Variants in SUCLG2 observed in about 807,000 individuals in gnomAD.
SUCLG2 encodes succinate-CoA ligase GDP-forming subunit beta.
SUCLG2 carries 42 observed loss-of-function variants against 47.9 expected under a neutral mutation model. That is an observed-to-expected ratio of 0.88 (90% CI 0.69 to 1.14). SUCLG2 has a LOEUF of 1.14. Among genes scored for constraint, SUCLG2 ranks in the 50% most tolerant of loss-of-function variants. The pLI is 0.00. For synonymous variants in SUCLG2, 195 were observed against 197.3 expected (o/e 0.99, Z 0.10); for missense variants, 571 against 525.9 (o/e 1.09, Z -0.84).
At chr3:67,360,530 T>C in exon 11 of SUCLG2, 2 of 1,265,052 alleles carry the variant, frequency 1.6e-6, no homozygotes, top group Non-Finnish European at 2.1e-6. Flanking sequence ...TCCATTTCCA[T>C]TAGCATGCAG....
At chr3:67,616,776 GC>G (rs1329685928) in intron 1 of SUCLG2, among the ~76,000 whole-genome samples, 1 of 152,154 alleles carries the variant, frequency 6.6e-6, no homozygotes, top group Non-Finnish European at 1.5e-5. Flanking sequence ...GTGAGCAAAA[GC>G]CGCATTTTCT....
At chr3:67,462,287 A>AT (rs1704356259) in intron 9 of SUCLG2, among the ~76,000 whole-genome samples, 1 of 152,138 alleles carries the variant, frequency 6.6e-6, no homozygotes, top group South Asian at 2.1e-4. Flanking sequence ...ATTATGGGTC[A>AT]TTAGACCCTC....
chr3:67,464,326 T>C (rs748657302), intron 9 of SUCLG2, among the ~76,000 whole-genome samples: 1 of 152,172 alleles, frequency 6.6e-6, no homozygotes, highest in Non-Finnish European at 1.5e-5. Context: ...TAAGAAGCCC[T>C]CATGGGTGTG....
intron 9 of SUCLG2, among the ~76,000 whole-genome samples, chr3:67,453,806 A>G (rs1024623869): frequency 6.6e-6 from 1 of 152,208 alleles, no homozygotes. Flanking sequence ...TACTGTGTTC[A>G]CTGGTCACAT....
chr3:67,588,883 A>T (rs1708088760), intron 2 of SUCLG2, among the ~76,000 whole-genome samples: 1 of 152,184 alleles, frequency 6.6e-6, no homozygotes. Context: ...GTTAACTGTT[A>T]AGTACTGAAT....
At chr3:67,605,273 C>G (rs940553132) in intron 2 of SUCLG2, among the ~76,000 whole-genome samples, 1 of 152,188 alleles carries the variant, frequency 6.6e-6, no homozygotes, top group Admixed American at 6.5e-5. Flanking sequence ...TTGGTTCTGT[C>G]AATCTTGTGG....
intron 10 of SUCLG2, among the ~76,000 whole-genome samples, chr3:67,363,843 A>G (rs1366660524): frequency 4.2e-5 from 6 of 144,234 alleles, no homozygotes; most frequent in African/African-American, 1.5e-4. Context: ...ATTTCTGGAC[A>G]TTCTACATCA....
chr3:67,485,204 A>G (rs534301693), intron 9 of SUCLG2, among the ~76,000 whole-genome samples: 1 of 152,242 alleles, frequency 6.6e-6, no homozygotes, highest in Non-Finnish European at 1.5e-5. Flanking sequence ...ACTAACTCAA[A>G]TTAGAAGTCC....
intron 2 of SUCLG2, among the ~76,000 whole-genome samples, chr3:67,599,719 CA>C (rs11341706): frequency 0.45 from 54,432 of 120,530 alleles, 10,067 homozygotes; most frequent in East Asian, 0.48. Context: ...AGCCTGAAGA[CA>C]AAAAAAAAAA....
At chr3:67,625,439 A>T (rs1283622331) in intron 1 of SUCLG2, among the ~76,000 whole-genome samples, 2 of 152,176 alleles carry the variant, frequency 1.3e-5, no homozygotes, top group Admixed American at 6.5e-5. Flanking sequence ...AATGCACCAC[A>T]GTGGGGATTT....
intron 2 of SUCLG2, among the ~76,000 whole-genome samples, chr3:67,557,504 T>A (rs1263810751): frequency 6.6e-6 from 1 of 152,152 alleles, no homozygotes; most frequent in Non-Finnish European, 1.5e-5. Context: ...TGACATCAAA[T>A]TATTTGTTCA....
rs1336733347 is a variant in SUCLG2 at position 67,497,839 on chromosome 3, G to GCT, written c.919+294_919+295insAG. Among the ~76,000 whole-genome samples, 3 of 152,134 alleles carry GCT rather than the reference G, an allele frequency of 2.0e-5. No individual in the cohort carries two copies. The East Asian group carries it at 5.8e-4, about 29-fold the overall frequency. ...ATGGGTTTATTTGTCTTCACAAGTG[G>GCT]GGGTTGTTAGTAGTATCTAGAGGTT... On this transcript the variant is annotated intron_variant, in intron 8 of 10. Transcript: ENST00000307227.
chr3:67,420,916 C>T (rs1269557297), intron 9 of SUCLG2, among the ~76,000 whole-genome samples: 1 of 152,156 alleles, frequency 6.6e-6, no homozygotes, highest in Non-Finnish European at 1.5e-5. Flanking sequence ...GTTTTACTGT[C>T]AGGCACATAT....
intron 9 of SUCLG2, among the ~76,000 whole-genome samples, chr3:67,477,180 T>C (rs563936397): frequency 6.6e-6 from 1 of 152,284 alleles, no homozygotes; most frequent in African/African-American, 2.4e-5. Flanking sequence ...AAAGTCCCGA[T>C]GCCTCACTAC....
chr3:67,609,894 T>C (rs886284784), intron 1 of SUCLG2, among the ~76,000 whole-genome samples: 9 of 152,184 alleles, frequency 5.9e-5, no homozygotes, highest in African/African-American at 1.9e-4. Context: ...GCTTTTGATA[T>C]TGTACCACAA....
intron 1 of SUCLG2, among the ~76,000 whole-genome samples, chr3:67,640,920 A>C (rs1701090857): frequency 6.6e-6 from 1 of 152,340 alleles, no homozygotes; most frequent in Admixed American, 6.5e-5. Context: ...AAGGCCTGGA[A>C]CATAGGTAGT....
intron 9 of SUCLG2, among the ~76,000 whole-genome samples, chr3:67,454,160 A>G (rs1338293146): frequency 6.6e-6 from 1 of 152,232 alleles, no homozygotes. Context: ...GAGCTGCACA[A>G]AAATTGCAAA....
At chr3:67,477,192 T>A (rs1704784998) in intron 9 of SUCLG2, among the ~76,000 whole-genome samples, 1 of 152,068 alleles carries the variant, frequency 6.6e-6, no homozygotes. Context: ...CCTCACTACC[T>A]CCCCCATCCC....
At chr3:67,569,880 G>A (rs1707562196) in intron 2 of SUCLG2, among the ~76,000 whole-genome samples, 1 of 152,120 alleles carries the variant, frequency 6.6e-6, no homozygotes, top group Non-Finnish European at 1.5e-5. Context: ...GGGATGGGAG[G>A]GGGCATGCAG....
Sources: gnomAD v4.1 joint callset for allele counts (sites outside exome capture counted in the v4.1 genomes callset) on GRCh38, gnomAD v4.1.1 for gene constraint, MANE v1.5 for transcripts, NCBI Gene and HGNC (gene_info 2026-07-23, HGNC 2026-07-21) for gene names.